FARS2: variants seen among roughly 807,000 people sequenced by gnomAD.
FARS2 encodes phenylalanine--tRNA ligase, mitochondrial.
In FARS2, 40 loss-of-function variants were observed where a neutral mutation model predicts 46.4. That is an observed-to-expected ratio of 0.86 (90% CI 0.67 to 1.12). The LOEUF (loss-of-function observed/expected upper bound fraction) is 1.12, where lower values mean the gene tolerates loss of function less well. Among genes scored for constraint, FARS2 ranks in the 50% most tolerant of loss-of-function variants. FARS2 has a pLI of 0.00. For missense variants in FARS2, 513 were observed against 567.9 expected, an observed-to-expected ratio of 0.90 and a Z score of 0.98; for synonymous variants, 234 against 214.9, an observed-to-expected ratio of 1.09 and a Z score of -0.78.
At chr6:5,386,637 T>C (rs17372629) in intron 2 of FARS2, among the ~76,000 whole-genome samples, 21,904 of 152,056 alleles carry the variant, frequency 0.14, 1,918 homozygotes, top group Middle Eastern at 0.19. Context: ...GTGGAATTAA[T>C]TGGATTTTAT....
At chr6:5,584,170 C>T (rs535343625) in intron 5 of FARS2, among the ~76,000 whole-genome samples, 7 of 139,572 alleles carry the variant, frequency 5.0e-5, no homozygotes, top group South Asian at 2.4e-4. Flanking sequence ...GAGGACCCTG[C>T]GGGCCCTGAG....
At chr6:5,430,113 A>G (rs147936211) in intron 3 of FARS2, among the ~76,000 whole-genome samples, 3 of 152,192 alleles carry the variant, frequency 2.0e-5, no homozygotes, top group Admixed American at 2.0e-4. Context: ...GGGCATGTTC[A>G]TATTACCATG....
intron 2 of FARS2, among the ~76,000 whole-genome samples, chr6:5,388,441 T>C (rs1760278042): frequency 6.6e-6 from 1 of 152,222 alleles, no homozygotes; most frequent in Non-Finnish European, 1.5e-5. Flanking sequence ...AGAATGTTTT[T>C]TGGTGACAAG....
intron 6 of FARS2, among the ~76,000 whole-genome samples, chr6:5,726,231 C>T (rs1760247035): frequency 6.6e-6 from 1 of 151,800 alleles, no homozygotes; most frequent in Non-Finnish European, 1.5e-5. Context: ...TCAGGGGTTA[C>T]AATACACGTG....
intron 5 of FARS2, among the ~76,000 whole-genome samples, chr6:5,547,697 T>G (rs1056846132): frequency 6.6e-6 from 1 of 152,208 alleles, no homozygotes; most frequent in African/African-American, 2.4e-5. Flanking sequence ...GAGGGTTAGC[T>G]CTGTTTCTCC....
At chr6:5,258,812 G>T (rs936878781), upstream of FARS2, among the ~76,000 whole-genome samples, 2 of 152,150 alleles carry the variant, frequency 1.3e-5, no homozygotes, top group Non-Finnish European at 2.9e-5. Context: ...TGATCTTACA[G>T]TTGCCCATAC....
intron 6 of FARS2, among the ~76,000 whole-genome samples, chr6:5,706,257 C>G (rs1160079370): frequency 1.3e-5 from 2 of 152,244 alleles, no homozygotes; most frequent in Non-Finnish European, 2.9e-5. Context: ...CCAACCCTCA[C>G]TTCCTGCCAC....
chr6:5,484,299 T>A (rs1038398455), intron 4 of FARS2, among the ~76,000 whole-genome samples: 1 of 152,178 alleles, frequency 6.6e-6, no homozygotes, highest in African/African-American at 2.4e-5. Flanking sequence ...GCATTACCAA[T>A]CAGAAGTTAG....
rs115649560 is a variant in FARS2, at chr6:5,398,194, G to C, written c.613-6348G>C. ...ATAATATTTTGCCCTATTAACTTTG[G>C]ATTCCCTTGATAATTTTTGCCAGAA... On this transcript the variant is annotated intron_variant, in intron 2 of 6. Coordinates refer to ENST00000274680, the MANE Select transcript of FARS2 (RefSeq NM_006567.5). Among the ~76,000 whole-genome samples, 829 of 152,168 alleles carry C rather than the reference G, an allele frequency of 5.4e-3. 6 individuals are homozygous for C. The highest frequency in any genetic ancestry group is 0.019 in the African/African-American group (781 of 41,504).
At chr6:5,266,088 G>A (rs985188995) in intron 1 of FARS2, among the ~76,000 whole-genome samples, 29 of 152,152 alleles carry the variant, frequency 1.9e-4, no homozygotes, top group African/African-American at 7.0e-4. Flanking sequence ...GGATTTAAAT[G>A]TTTGAATGTG....
chr6:5,380,672 G>A (rs923831526), intron 2 of FARS2, among the ~76,000 whole-genome samples: 4 of 152,268 alleles, frequency 2.6e-5, no homozygotes, highest in African/African-American at 9.6e-5. Flanking sequence ...ACTCACAAAT[G>A]TAAAAGACTA....
chr6:5,545,145 T>C, intron 4 of FARS2, 35 bp from the exon 5 acceptor site: 2 of 1,610,154 alleles, frequency 1.2e-6, no homozygotes, highest in Non-Finnish European at 1.7e-6. Flanking sequence ...ATCTCGATAC[T>C]TTTTAAAAAC....
intron 5 of FARS2, among the ~76,000 whole-genome samples, chr6:5,579,578 A>T (rs542475692): frequency 1.3e-5 from 2 of 152,156 alleles, no homozygotes; most frequent in Admixed American, 1.3e-4. Flanking sequence ...CCAGACTATT[A>T]TGAGGTTTTA....
At chr6:5,389,125 A>G (rs1760323640) in intron 2 of FARS2, among the ~76,000 whole-genome samples, 1 of 151,886 alleles carries the variant, frequency 6.6e-6, no homozygotes, top group African/African-American at 2.4e-5. Flanking sequence ...ATCCTTTCTA[A>G]TAGAATCATA....
At chr6:5,759,939 A>G (rs1457264411) in intron 6 of FARS2, among the ~76,000 whole-genome samples, 2 of 152,204 alleles carry the variant, frequency 1.3e-5, no homozygotes, top group Non-Finnish European at 1.5e-5. Context: ...TTTAATCAGG[A>G]TATCACTGCT....
At chr6:5,460,344 T>G (rs1765174958) in intron 4 of FARS2, among the ~76,000 whole-genome samples, 1 of 152,232 alleles carries the variant, frequency 6.6e-6, no homozygotes. Context: ...ATAGGTATAC[T>G]GCTTCCTGTG....
intron 1 of FARS2, among the ~76,000 whole-genome samples, chr6:5,322,991 A>G (rs1036521164): frequency 3.3e-5 from 5 of 152,126 alleles, no homozygotes; most frequent in African/African-American, 4.8e-5. Flanking sequence ...ACCAAAAACA[A>G]TTGTTTTATT....
chr6:5,699,940 C>T (rs1208227974), intron 6 of FARS2, among the ~76,000 whole-genome samples: 3 of 152,144 alleles, frequency 2.0e-5, no homozygotes, highest in Admixed American at 1.3e-4. Context: ...TCAGGGGACA[C>T]TCCCAACCAC....
chr6:5,333,776 A>G (rs1454381063), intron 1 of FARS2, among the ~76,000 whole-genome samples: 3 of 152,192 alleles, frequency 2.0e-5, no homozygotes, highest in Non-Finnish European at 2.9e-5. Context: ...TGTTAGACCT[A>G]TAATTTACCA....
Sources: allele counts gnomAD v4.1 joint callset (sites outside exome capture counted in the v4.1 genomes callset), GRCh38; gene constraint gnomAD v4.1.1; transcripts MANE v1.5; gene names NCBI Gene and HGNC (gene_info 2026-07-23, HGNC 2026-07-21).